The following ATM variants were observed in gnomAD, a reference collection of about 807,000 sequenced individuals.
ATM encodes the protein ATM serine/threonine kinase.
Under a neutral mutation model 387.0 loss-of-function variants are expected in ATM, and 308 were observed. The ratio of observed to expected loss-of-function variants is 0.80; its 90% CI spans 0.73 to 0.87. The LOEUF (loss-of-function observed/expected upper bound fraction) is 0.87. Among genes scored for constraint, ATM ranks in the 40% least tolerant of loss-of-function variants. The pLI, the probability that ATM is intolerant of heterozygous loss-of-function variation, is 0.00. For missense variants in ATM, 3,312 were observed against 3,560.9 expected (o/e 0.93, Z 1.78); for synonymous variants, 1,156 against 1,187.3 (o/e 0.97, Z 0.54).
intron 43 of ATM, 115 bp downstream of exon 43, chr11:108,317,636 TATATATATATATATATACACAC>T (rs1243700836): frequency 2.3e-4 from 41 of 176,142 alleles, no homozygotes; most frequent in African/African-American, 1.4e-3. Flanking sequence ...TATATATATA[TATATATATATATATATACACAC>T]ACACACACAC....
chr11:108,235,924 C>G, intron 5 of ATM, 90 bp downstream of exon 5: 2 of 1,411,122 alleles, frequency 1.4e-6, no homozygotes, highest in South Asian at 2.3e-5. Context: ...GTCTATATCC[C>G]CCAAGTGACC....
rs1202091891 is a variant in ATM at position 108,298,666 on chromosome 11, A to G, written c.5006-1048A>G. Among the ~76,000 whole-genome samples the G allele has an allele frequency of 3.3e-5, 5 of 152,238 alleles. No homozygotes were observed. In the East Asian group the frequency reaches 9.6e-4, roughly 29 times the overall value. The stretch of plus-strand genomic sequence containing the variant: ...CTGTCCACTTTCACTACTGCTGTTC[A>G]ACAGTGTACTGGAAGTTCTAGCCAG... On this transcript the variant is annotated intron_variant, in intron 33 of 62. Coordinates refer to ENST00000675843, the MANE Select transcript of ATM (RefSeq NM_000051.4).
At chr11:108,346,332 A>G (rs1419654464) in intron 58 of ATM, among the ~76,000 whole-genome samples, 1 of 152,042 alleles carries the variant, frequency 6.6e-6, no homozygotes, top group Non-Finnish European at 1.5e-5. Flanking sequence ...TTTTAATAGA[A>G]TTTTGTTTTC....
intron 57 of ATM, among the ~76,000 whole-genome samples, chr11:108,344,334 C>T (rs2088006891): frequency 6.6e-6 from 1 of 151,986 alleles, no homozygotes; most frequent in Admixed American, 6.6e-5. Context: ...GTTGTTTTTC[C>T]AGGCAGAAGG....
chr11:108,272,963 G>A (rs1463476774), intron 22 of ATM, 111 bp downstream of exon 22: 10 of 1,333,406 alleles, frequency 7.5e-6, no homozygotes, highest in South Asian at 2.4e-5. Context: ...CACTTGTTGA[G>A]TATATACGGT....
intron 5 of ATM, 107 bp downstream of exon 5, chr11:108,235,941 T>C: frequency 3.2e-6 from 4 of 1,240,910 alleles, no homozygotes; most frequent in South Asian, 1.2e-5. Flanking sequence ...GACCTGACAG[T>C]TTAACAGTAC....
intron 61 of ATM, among the ~76,000 whole-genome samples, chr11:108,361,100 C>T (rs1199528310): frequency 7.5e-6 from 1 of 132,794 alleles, no homozygotes; most frequent in East Asian, 2.1e-4. Context: ...TCAGCAAAGT[C>T]TCAGGATACA....
rs535426066 is a variant in ATM, at chr11:108,235,501, GA to G, written c.332-159del. Among the ~76,000 whole-genome samples, 1,414 of 147,312 alleles carry G rather than the reference GA, an allele frequency of 9.6e-3. 20 individuals are homozygous for G. The highest frequency in any genetic ancestry group is 0.033 in the African/African-American group (1,305 of 39,994). ...GTTCCAATAAAATGTTATTTGCAAAGAAAAAAAAAATGAATTTTGCTTGGGG... is the reference window on the plus strand; with the variant it reads ...GTTCCAATAAAATGTTATTTGCAAAGAAAAAAAAATGAATTTTGCTTGGGG... On this transcript the variant is annotated intron_variant, in intron 4 of 62. Transcript: ENST00000675843.
At chr11:108,306,991 A>G (rs1183197387) in intron 37 of ATM, among the ~76,000 whole-genome samples, 1 of 152,062 alleles carries the variant, frequency 6.6e-6, no homozygotes, top group African/African-American at 2.4e-5. Flanking sequence ...TTCTAGCTCC[A>G]TGATTTAGCA....
chr11:108,248,296 T>C (rs1250816784), intron 8 of ATM, among the ~76,000 whole-genome samples: 2 of 152,194 alleles, frequency 1.3e-5, no homozygotes, highest in African/African-American at 4.8e-5. Context: ...TCTTAATATT[T>C]CTTAAAATTT....
chr11:108,364,324 T>A lies in ATM; in HGVS notation c.8851-758T>A, dbSNP rs184154433. On this transcript the variant is annotated intron_variant, in intron 61 of 62. Coordinates refer to ENST00000675843, the MANE Select transcript of ATM (RefSeq NM_000051.4). ...AGCATTTGCTAAAGCCTATTTTTTT[T>A]AAAGTTCTGTGTTTATAAATACCAG... Among the ~76,000 whole-genome samples, 18 of 152,344 alleles carry A rather than the reference T, an allele frequency of 1.2e-4. No individual in the cohort carries two copies. The East Asian group carries it at 1.4e-3, about 11-fold the overall frequency.
intron 48 of ATM, 25 bp from the exon 49 acceptor site, chr11:108,328,991 ATAATT>A (rs753347378): frequency 7.0e-6 from 11 of 1,579,574 alleles, no homozygotes; most frequent in African/African-American, 5.4e-5. Flanking sequence ...ATTTGTAAAT[ATAATT>A]TAAATTGGTT....
rs4987951 is a variant in ATM at position 108,253,759 on chromosome 11, T to G, written c.1899-55T>G. ...CTTTGTAATATATTGCTAATACATATAAGGCAAAGCATTAGGTACTTGGTT... is the reference window on the plus strand; with the variant it reads ...CTTTGTAATATATTGCTAATACATAGAAGGCAAAGCATTAGGTACTTGGTT... On this transcript the variant is annotated intron_variant, in intron 12 of 62. Coordinates refer to ENST00000675843, the MANE Select transcript of ATM (RefSeq NM_000051.4). The G allele has an allele frequency of 0.038, 50,954 of 1,348,084 alleles. 1,104 individuals carry two copies. The highest frequency in any genetic ancestry group is 0.066 in the Middle Eastern group (349 of 5,272). 83.5% of individuals were successfully genotyped at this position (1,348,084 alleles called of 1,614,324 possible).
At chr11:108,327,207 G>T (rs1441309508) in intron 47 of ATM, among the ~76,000 whole-genome samples, 2 of 152,150 alleles carry the variant, frequency 1.3e-5, no homozygotes, top group African/African-American at 4.8e-5. Context: ...AAAGCACTGA[G>T]TGCCAATATG....
intron 15 of ATM, among the ~76,000 whole-genome samples, chr11:108,257,940 T>C (rs896833777): frequency 6.6e-6 from 1 of 152,150 alleles, no homozygotes; most frequent in African/African-American, 2.4e-5. Flanking sequence ...ATCACATCAC[T>C]GCGATCCAGC....
chr11:108,348,264 A>G (rs1383479961), intron 59 of ATM, among the ~76,000 whole-genome samples: 1 of 151,846 alleles, frequency 6.6e-6, no homozygotes, highest in Non-Finnish European at 1.5e-5. Context: ...GAGAATATAT[A>G]TAGCTAAGGA....
intron 8 of ATM, among the ~76,000 whole-genome samples, chr11:108,248,638 C>T (rs181097249): frequency 2.6e-5 from 4 of 152,116 alleles, no homozygotes; most frequent in Admixed American, 6.5e-5. Flanking sequence ...CCTGTAATCC[C>T]AGCACTTTGG....
At chr11:108,363,558 T>C (rs1367826589) in intron 61 of ATM, among the ~76,000 whole-genome samples, 1 of 152,138 alleles carries the variant, frequency 6.6e-6, no homozygotes, top group African/African-American at 2.4e-5. Context: ...GAGATGAGGA[T>C]AGTATTGGCA....
At position 108,294,924 on chromosome 11, in the gene ATM, T is replaced by C. The variant is rs1468242174; in HGVS notation, c.4777-3T>C. On this transcript the variant is annotated splice_region_variant and splice_polypyrimidine_tract_variant and intron_variant, in intron 31 of 62. Transcript: ENST00000675843. ...TAAAAGCAAGTTACATTTTCTCTTT[T>C]AGGAAATTAACCATTTTCTCTCAGT... 1.9e-6 allele frequency: 3 copies of C among 1,613,602 alleles called. No homozygotes were observed. The highest frequency in any genetic ancestry group is 1.7e-5 in the Admixed American group (1 of 60,002).
Sources: gnomAD v4.1 joint callset for allele counts (sites outside exome capture counted in the v4.1 genomes callset) on GRCh38, gnomAD v4.1.1 for gene constraint, MANE v1.5 for transcripts, NCBI Gene and HGNC (gene_info 2026-07-23, HGNC 2026-07-21) for gene names.